The following EIF4A1 variants were observed in gnomAD, a reference collection of about 807,000 sequenced individuals.
EIF4A1 encodes eukaryotic translation initiation factor 4A1, also known as eukaryotic initiation factor 4A-I.
A neutral mutation model predicts 53.5 loss-of-function variants in EIF4A1; 11 were observed. The observed-to-expected ratio is 0.21, with a 90% CI of 0.13 to 0.34. EIF4A1 has a LOEUF of 0.34. Among genes scored for constraint, EIF4A1 ranks in the 10% least tolerant of loss-of-function variants. The pLI, the probability that EIF4A1 is intolerant of heterozygous loss-of-function variation, is 1.00. For synonymous variants in EIF4A1, 237 were observed against 186.7 expected (o/e 1.27, Z -2.20); for missense variants, 213 against 530.8 (o/e 0.40, Z 5.88).
chr17:7,578,289 C>G, intron 10 of EIF4A1, 45 bp downstream of exon 10: 1 of 1,613,856 alleles, frequency 6.2e-7, no homozygotes, highest in Non-Finnish European at 8.5e-7. Context: ...CACACCTGGC[C>G]CTCCCTGGGC....
At chr17:7,573,285 C>T (rs531880505) in intron 1 of EIF4A1, 62 of 308,896 alleles carry the variant, frequency 2.0e-4, no homozygotes, top group Middle Eastern at 1.1e-3. Flanking sequence ...CTGACGGTAC[C>T]ACTCGCGAGA....
At chr17:7,573,996 CG>C in intron 1 of EIF4A1, 1 of 501,182 alleles carries the variant, frequency 2.0e-6, no homozygotes, top group South Asian at 2.5e-5. Context: ...ACCGTGAGCG[CG>C]GCGGCACGCC....
chr17:7,573,224 G>C (rs533401576), intron 1 of EIF4A1: 2 of 432,054 alleles, frequency 4.6e-6, no homozygotes, highest in African/African-American at 4.1e-5. Flanking sequence ...CGGCAGGTCC[G>C]GTTGCCTCCC....
rs2071439796 is a variant in EIF4A1, at chr17:7,578,849, AC to A, written c.*367del. ...TTGCTGGACCAAATCTGGAGGGAGA[AC>A]CCCTAAAACCCCTAAGTGAGGTTGC... On this transcript the variant is annotated 3_prime_UTR_variant, in exon 11 of 11. Transcript: ENST00000293831. 5.7e-6 allele frequency: 1 copy of A among 175,170 alleles called. No individual in the cohort carries two copies. The allele number at this position is 175,170 out of a possible 1,614,324, so 10.9% of individuals were successfully genotyped here.
Position 7,576,576 on chromosome 17 carries a change from C to T in EIF4A1, c.398C>T (p.Ala133Val). ...LGDYMGASCH[A>V]CIGGTNVRAE... is the part of the protein sequence containing the mutation. ...GACTACATGGGCGCCTCCTGTCACG[C>T]CTGTATCGGGGGCACCAACGTGCGT... The change falls in exon 5 of 11, where the codon GCC becomes GTC. Residue 133 changes from alanine (A) to valine (V), a missense_variant. Coordinates refer to ENST00000293831, the MANE Select transcript of EIF4A1 (RefSeq NM_001416.4). 6.2e-7 allele frequency: 1 copy of T among 1,613,456 alleles called. No individual in the cohort carries two copies. The highest frequency in any genetic ancestry group is 8.5e-7 in the Non-Finnish European group (1 of 1,179,718).
In EIF4A1 at chr17:7,575,132, T is replaced by C. The variant is rs1373668615; in HGVS notation, c.219T>C (p.Ile73=). The change falls in exon 4 of 11, where the codon ATT becomes ATC. Residue 73 remains isoleucine (I), a synonymous_variant. Transcript: ENST00000293831. ...ILPCIKGYDV[I]AQAQSGTGKT... ...TTATTTGTTTAGGTTATGATGTGATTGCTCAAGCCCAATCTGGGACTGGGA... is the reference window on the plus strand; with the variant it reads ...TTATTTGTTTAGGTTATGATGTGATCGCTCAAGCCCAATCTGGGACTGGGA... The C allele has an allele frequency of 3.1e-6, 5 of 1,612,180 alleles. No homozygotes were observed. The South Asian group carries it at 5.5e-5, about 18-fold the overall frequency.
At chr17:7,578,107 C>G (rs200067943) in intron 9 of EIF4A1, 58 bp from the exon 10 acceptor site, 1 of 1,611,652 alleles carries the variant, frequency 6.2e-7, no homozygotes, top group Non-Finnish European at 8.5e-7. Context: ...TAAGTGTCTT[C>G]CCTCCGGGAT....
intron 2 of EIF4A1, 37 bp downstream of exon 2, chr17:7,574,345 T>G: frequency 6.2e-7 from 1 of 1,614,110 alleles, no homozygotes; most frequent in Non-Finnish European, 8.5e-7. Flanking sequence ...CCTCCCCCAT[T>G]ACAACTTTCA....
intron 2 of EIF4A1, 93 bp from the exon 3 acceptor site, chr17:7,574,453 T>C: frequency 6.2e-7 from 1 of 1,601,302 alleles, no homozygotes; most frequent in East Asian, 2.2e-5. Context: ...TCTGAGGCTT[T>C]TGTTAGTAGG....
At chr17:7,574,113 T>C (rs1193795183) in intron 1 of EIF4A1, 147 bp from the exon 2 acceptor site, 6 of 855,728 alleles carry the variant, frequency 7.0e-6, no homozygotes, top group Non-Finnish European at 1.1e-5. Flanking sequence ...AACTCCTCCT[T>C]TGGGTATTTT....
intron 1 of EIF4A1, chr17:7,573,984 G>C: frequency 2.0e-6 from 1 of 492,700 alleles, no homozygotes; most frequent in Middle Eastern, 5.3e-4. Flanking sequence ...CCACCTCTGG[G>C]CACCGTGAGC....
intron 4 of EIF4A1, chr17:7,575,544 C>T (rs927169606): frequency 9.8e-6 from 5 of 508,990 alleles, no homozygotes; most frequent in African/African-American, 5.8e-5. Flanking sequence ...GCTAAGAGAT[C>T]CCTTGGTGTG....
intron 4 of EIF4A1, 173 bp downstream of exon 4, chr17:7,575,431 T>G: frequency 2.0e-6 from 2 of 1,005,814 alleles, no homozygotes; most frequent in Non-Finnish European, 3.0e-6. Context: ...ACGTAACCAT[T>G]GCTTCCTCCA....
rs770391230 is a variant in EIF4A1, at chr17:7,575,308, GTA to G, written c.345+53_345+54del. 9 of 1,610,630 alleles carry G rather than the reference GTA, an allele frequency of 5.6e-6. No individual in the cohort carries two copies. In the African/African-American group the frequency reaches 1.1e-4, roughly 19 times the overall value. On this transcript the variant is annotated intron_variant, in intron 4 of 10. Transcript: ENST00000293831. ...TTCAGGGCTGATTTAGGGATGATGAGTATAATCCAAGGACCAGAGAAGTCTTC... is the reference window on the plus strand; with the variant it reads ...TTCAGGGCTGATTTAGGGATGATGAGTAATCCAAGGACCAGAGAAGTCTTC...
chr17:7,577,509 G>A lies in EIF4A1; in HGVS notation c.768+22G>A, dbSNP rs751236029. The A allele has an allele frequency of 3.1e-6, 5 of 1,613,574 alleles. No homozygotes were observed. The highest frequency in any genetic ancestry group is 4.2e-6 in the Non-Finnish European group (5 of 1,179,812). Reference sequence around the variant, plus strand: ...AGAGGTGGGGCCCAGTGCAGGAGGCGGGCCTGGTAGTGAGTTGTTGGGTAT... The same window carrying A: ...AGAGGTGGGGCCCAGTGCAGGAGGCAGGCCTGGTAGTGAGTTGTTGGGTAT... On this transcript the variant is annotated intron_variant, in intron 7 of 10. Coordinates refer to ENST00000293831, the MANE Select transcript of EIF4A1 (RefSeq NM_001416.4). The surrounding 1 kb of genome is among the most constrained non-coding windows in gnomAD (Gnocchi z 4.7).
intron 1 of EIF4A1, 42 bp downstream of exon 1, chr17:7,572,906 C>T (rs1567732204): frequency 1.9e-6 from 3 of 1,614,124 alleles, no homozygotes; most frequent in Middle Eastern, 1.6e-4. Flanking sequence ...GCTTATTTTG[C>T]CGCCCCCTTC....
At chr17:7,575,081 G>C in intron 3 of EIF4A1, 38 bp from the exon 4 acceptor site, 1 of 1,609,798 alleles carries the variant, frequency 6.2e-7, no homozygotes, top group Non-Finnish European at 8.5e-7. Flanking sequence ...CAAAGGGTAT[G>C]CTCTTTACCA....
intron 4 of EIF4A1, chr17:7,576,215 A>C (rs1319769429): frequency 4.1e-6 from 1 of 245,522 alleles, no homozygotes; most frequent in Non-Finnish European, 7.7e-6. Context: ...CAGTTGGTCA[A>C]ATTAGTTTTC....
In EIF4A1 at chr17:7,577,968, C is replaced by G. The variant is rs757879636; in HGVS notation, c.996+52C>G. The stretch of plus-strand genomic sequence containing the variant: ...GCAGAAGGGAGGATCCAAGGTGATT[C>G]CCTCTCCAAGGGGACATCAGTGCCT... On this transcript the variant is annotated intron_variant, in intron 9 of 10. Coordinates refer to ENST00000293831, the MANE Select transcript of EIF4A1 (RefSeq NM_001416.4). The surrounding 1 kb of genome is among the most constrained non-coding windows in gnomAD (Gnocchi z 4.7). The G allele has an allele frequency of 3.1e-6, 5 of 1,609,434 alleles. No individual in the cohort carries two copies. The Admixed American group carries it at 6.7e-5, about 21-fold the overall frequency.
Sources: allele counts gnomAD v4.1 joint callset, GRCh38; gene constraint gnomAD v4.1.1; non-coding constraint Gnocchi (gnomAD v3.1); transcripts MANE v1.5; gene names NCBI Gene and HGNC (gene_info 2026-07-23, HGNC 2026-07-21).